Variants in RIMOC1 observed in about 807,000 individuals in gnomAD.
The protein encoded by RIMOC1 is RAB7A-interacting MON1-CCZ1 complex subunit 1.
At chr5:41,914,409 A>G in the RIMOC1 span, among the ~76,000 whole-genome samples, 1 of 151,894 alleles carries the variant, frequency 6.6e-6, no homozygotes, top group Non-Finnish European at 1.5e-5. Context: ...GTGAACCAAG[A>G]TCTCACCACT....
At chr5:41,909,786 T>A in the RIMOC1 span, 1 of 1,587,784 alleles carries the variant, frequency 6.3e-7, no homozygotes, top group African/African-American at 1.4e-5. Flanking sequence ...AACAAGCTAG[T>A]AGATGAAGAT....
the RIMOC1 span, chr5:41,918,772 C>G: frequency 1.0e-6 from 1 of 984,224 alleles, no homozygotes; most frequent in Non-Finnish European, 1.2e-6. Flanking sequence ...GCATATGGCT[C>G]TTTCTCCTAT....
chr5:41,916,242 A>G, the RIMOC1 span: 24 of 213,452 alleles, frequency 1.1e-4, no homozygotes, highest in Non-Finnish European at 1.9e-4. Context: ...AGATTCAAAG[A>G]GCTTTGGTGA....
the RIMOC1 span, chr5:41,919,530 GCTTT>G: frequency 6.6e-6 from 1 of 152,088 alleles, no homozygotes; most frequent in African/African-American, 2.4e-5. Context: ...ATACCTTTGT[GCTTT>G]CTAAGTATAA....
At chr5:41,908,096 G>A in the RIMOC1 span, among the ~76,000 whole-genome samples, 1 of 152,088 alleles carries the variant, frequency 6.6e-6, no homozygotes, top group East Asian at 1.9e-4. Flanking sequence ...TTCCTTTAGA[G>A]ATAATTGAAC....
chr5:41,917,147 A>T, the RIMOC1 span: 1 of 1,613,910 alleles, frequency 6.2e-7, no homozygotes, highest in East Asian at 2.2e-5. Flanking sequence ...AGCGGGCTGC[A>T]CTACATACAA....
the RIMOC1 span, among the ~76,000 whole-genome samples, chr5:41,914,491 AAAACAAAAC>A: frequency 8.7e-5 from 13 of 148,594 alleles, no homozygotes; most frequent in East Asian, 1.9e-4. Context: ...AAAACAAAAC[AAAACAAAAC>A]AAACATAAGT....
chr5:41,911,084 C>G, the RIMOC1 span: 2 of 1,610,218 alleles, frequency 1.2e-6, no homozygotes, highest in Admixed American at 3.4e-5. Flanking sequence ...ACTGGAATGT[C>G]TCTCTTGGAG....
At chr5:41,914,693 C>T in the RIMOC1 span, among the ~76,000 whole-genome samples, 1 of 151,942 alleles carries the variant, frequency 6.6e-6, no homozygotes, top group Admixed American at 6.6e-5. Flanking sequence ...TCAGTTGAGC[C>T]CAGGAGTTTG....
chr5:41,916,962 C>A, the RIMOC1 span: 1 of 1,434,126 alleles, frequency 7.0e-7, no homozygotes, highest in Non-Finnish European at 9.4e-7. Flanking sequence ...TTAATAACTA[C>A]GGTTTCTTTT....
At chr5:41,906,447 T>G in the RIMOC1 span, among the ~76,000 whole-genome samples, 3,430 of 152,290 alleles carry the variant, frequency 0.023, 67 homozygotes, top group Non-Finnish European at 0.032. Flanking sequence ...CTTTCAGCAA[T>G]GGTTTAGTGA....
the RIMOC1 span, among the ~76,000 whole-genome samples, chr5:41,914,814 AAC>A: frequency 2.0e-5 from 3 of 152,062 alleles, no homozygotes; most frequent in African/African-American, 7.2e-5. Context: ...TATCTATCTG[AAC>A]ACGATTAGAT....
At chr5:41,909,254 T>C in the RIMOC1 span, among the ~76,000 whole-genome samples, 1 of 152,118 alleles carries the variant, frequency 6.6e-6, no homozygotes, top group Non-Finnish European at 1.5e-5. Context: ...GGCTTAGTGT[T>C]TGAGTTGCAT....
chr5:41,909,265 A>G, the RIMOC1 span, among the ~76,000 whole-genome samples: 1 of 152,100 alleles, frequency 6.6e-6, no homozygotes. Flanking sequence ...TGAGTTGCAT[A>G]TGTTGATGGT....
the RIMOC1 span, among the ~76,000 whole-genome samples, chr5:41,904,667 C>G: frequency 6.6e-6 from 1 of 152,128 alleles, no homozygotes; most frequent in Non-Finnish European, 1.5e-5. Flanking sequence ...AAGGCGTTGT[C>G]TTCGAAAACC....
the RIMOC1 span, among the ~76,000 whole-genome samples, chr5:41,906,034 C>T: frequency 8.6e-4 from 131 of 152,222 alleles, no homozygotes; most frequent in South Asian, 2.3e-3. Flanking sequence ...TATTTTTCCA[C>T]GCAACAAGAA....
the RIMOC1 span, chr5:41,911,243 T>C: frequency 6.0e-6 from 9 of 1,493,092 alleles, no homozygotes; most frequent in Non-Finnish European, 6.3e-6. Flanking sequence ...AAGCTGTCTT[T>C]GTTGTACTAC....
chr5:41,912,206 T>C, the RIMOC1 span: 1 of 1,354,022 alleles, frequency 7.4e-7, no homozygotes, highest in Non-Finnish European at 1.0e-6. Context: ...CTCATTAAAT[T>C]TTCTAAGTGT....
chr5:41,918,249 T>C, the RIMOC1 span: 3 of 985,892 alleles, frequency 3.0e-6, no homozygotes, highest in South Asian at 9.4e-5. Flanking sequence ...GCACTTTGAA[T>C]GTCACCACCT....
Sources: allele counts gnomAD v4.1 joint callset (sites outside exome capture counted in the v4.1 genomes callset), GRCh38; gene constraint gnomAD v4.1.1; transcripts MANE v1.5; gene names NCBI Gene and HGNC (gene_info 2026-07-23, HGNC 2026-07-21).